The following PCDHA1 variants were observed in gnomAD, a reference collection of about 807,000 sequenced individuals.
PCDHA1 encodes the protein protocadherin alpha-1.
PCDHA1 carries 42 observed loss-of-function variants against 61.3 expected under a neutral mutation model. The ratio of observed to expected loss-of-function variants is 0.69; its 90% CI spans 0.54 to 0.89. PCDHA1 has a LOEUF of 0.89. PCDHA1 is among the 40% of genes least tolerant of loss of function. The pLI is 0.00. For missense variants in PCDHA1, 1,256 were observed against 1,235.3 expected (o/e 1.02, Z -0.25); for synonymous variants, 610 against 553.8 (o/e 1.10, Z -1.43).
intron 1 of PCDHA1, among the ~76,000 whole-genome samples, chr5:140,845,118 T>C (rs1779705774): frequency 6.7e-6 from 1 of 149,786 alleles, no homozygotes; most frequent in Non-Finnish European, 1.5e-5. Flanking sequence ...TGTCCATGTT[T>C]AGCATTTTAT....
rs148181752 is a variant in PCDHA1, at chr5:140,966,860, TTGCTGC to T, written c.2395-12081_2395-12076del. 7,760 of 1,577,476 alleles carry T rather than the reference TTGCTGC, an allele frequency of 4.9e-3. 268 individuals are homozygous for T. The African/African-American group carries it at 0.086, about 18-fold the overall frequency. ...GCTGCTACTGCCTCTCCTGCTGCTG[TTGCTGC>T]TGCTGCTACCTGGCCCTGCGGCCTC... On this transcript the variant is annotated intron_variant, in intron 1 of 3. Coordinates refer to ENST00000504120, the MANE Select transcript of PCDHA1 (RefSeq NM_018900.4).
chr5:140,828,149 C>T, intron 1 of PCDHA1: 1 of 1,614,102 alleles, frequency 6.2e-7, no homozygotes. Flanking sequence ...CCCGCTTCTG[C>T]TCCTCGCAGC....
chr5:140,823,125 C>A lies in PCDHA1; in HGVS notation c.2394+34441C>A, dbSNP rs2150122536. 13 of 1,614,046 alleles carry A rather than the reference C, an allele frequency of 8.1e-6. 1 individual carries two copies. The South Asian group carries it at 9.9e-5, about 12-fold the overall frequency. ...TGGAAGTGGCCGACGTGAACGACAA[C>A]GCTCCGGCGTTCGCGCAGCCCCAGT... is the stretch of plus-strand genomic sequence containing the variant. On this transcript the variant is annotated intron_variant, in intron 1 of 3. Transcript: ENST00000504120.
rs2150347942 is a variant in PCDHA1 at position 140,842,929 on chromosome 5, C to G, written c.2394+54245C>G. On this transcript the variant is annotated intron_variant, in intron 1 of 3. Coordinates refer to ENST00000504120, the MANE Select transcript of PCDHA1 (RefSeq NM_018900.4). ...TAGAGCTGCTGCAGTTCCAGGTGAG[C>G]GCGCGCGACGCGGGCGTGCCGCCTC... is the stretch of plus-strand genomic sequence containing the variant. The G allele has an allele frequency of 1.2e-5, 19 of 1,594,384 alleles. No individual in the cohort carries two copies. The East Asian group carries it at 3.8e-4, about 32-fold the overall frequency.
intron 1 of PCDHA1, chr5:140,847,362 C>T (rs1444226307): frequency 6.7e-6 from 1 of 149,420 alleles, no homozygotes; most frequent in Non-Finnish European, 1.5e-5. Context: ...AGTAGAAATA[C>T]GAAATAAAAG....
intron 1 of PCDHA1, among the ~76,000 whole-genome samples, chr5:140,921,749 A>G (rs1366376226): frequency 6.6e-6 from 1 of 152,196 alleles, no homozygotes; most frequent in Non-Finnish European, 1.5e-5. Context: ...GCATAACAGG[A>G]CACTTCTTGG....
intron 3 of PCDHA1, among the ~76,000 whole-genome samples, chr5:140,983,987 C>T (rs1372272659): frequency 6.6e-6 from 1 of 152,126 alleles, no homozygotes; most frequent in East Asian, 1.9e-4. Context: ...CGAGTTGAAG[C>T]AATTCATTAG....
chr5:140,985,813 CA>C lies in PCDHA1; in HGVS notation c.2542+3251del, dbSNP rs527803363. 8.2e-5 allele frequency among the ~76,000 whole-genome samples: 12 copies of C among 146,604 alleles called. No homozygotes were observed. In the East Asian group the frequency reaches 2.3e-3, roughly 28 times the overall value. ...GGAGTGCAGTGGCACGATCTCAGCT[CA>C]CAACAAGCTCTGCCTCCCGGGTTCA... On this transcript the variant is annotated intron_variant, in intron 3 of 3. Transcript: ENST00000504120.
intron 1 of PCDHA1, chr5:140,850,351 G>A (rs2150480754): frequency 6.3e-7 from 1 of 1,597,916 alleles, no homozygotes; most frequent in Non-Finnish European, 8.6e-7. Flanking sequence ...GCCAGCGCGA[G>A]CATCCCGTTC....
chr5:140,967,087 G>T (rs782556858), intron 1 of PCDHA1: 2 of 1,613,138 alleles, frequency 1.2e-6, no homozygotes, highest in East Asian at 4.5e-5. Flanking sequence ...GCATTGATCG[G>T]GAGGCGCTGT....
intron 1 of PCDHA1, chr5:140,854,175 A>AAAAG (rs386405127): frequency 4.4e-6 from 3 of 674,282 alleles, no homozygotes; most frequent in African/African-American, 2.0e-5. Flanking sequence ...AAAAAAAAAA[A>AAAAG]AGAGTAGTTT....
intron 1 of PCDHA1, among the ~76,000 whole-genome samples, chr5:140,900,094 G>A (rs546671178): frequency 3.6e-4 from 55 of 152,150 alleles, no homozygotes; most frequent in East Asian, 2.3e-3. Context: ...ACAAGCATGC[G>A]CCACCATACC....
intron 1 of PCDHA1, chr5:140,928,814 A>T (rs782622875): frequency 5.6e-6 from 9 of 1,614,150 alleles, no homozygotes; most frequent in Non-Finnish European, 7.6e-6. Context: ...GTTCGGGACC[A>T]TGGAGACCCA....
rs115173372 is a variant in PCDHA1, at chr5:140,808,625, T to G, written c.2394+19941T>G. On this transcript the variant is annotated intron_variant, in intron 1 of 3. Coordinates refer to ENST00000504120, the MANE Select transcript of PCDHA1 (RefSeq NM_018900.4). ...CTGCCACATCTTCACTGTGTCTGCG[T>G]GGGACGCGGACGCGCAGGAGAACGC... 8.5e-4 allele frequency: 1,376 copies of G among 1,613,658 alleles called. 16 individuals are homozygous for G. In the African/African-American group the frequency reaches 0.017, roughly 19 times the overall value.
At chr5:140,848,920 T>A (rs1554142573) in intron 1 of PCDHA1, 1 of 1,607,752 alleles carries the variant, frequency 6.2e-7, no homozygotes, top group East Asian at 2.2e-5. Flanking sequence ...AATCTGTTCA[T>A]CGCGGAATCC....
chr5:140,977,899 C>A (rs1193855952), intron 1 of PCDHA1, among the ~76,000 whole-genome samples: 1 of 152,124 alleles, frequency 6.6e-6, no homozygotes, highest in East Asian at 1.9e-4. Context: ...CAAAATACAA[C>A]TTTTATCCCC....
rs781859537 is a variant in PCDHA1, at chr5:140,858,340, G to A, written c.2394+69656G>A. Reference sequence around the variant, plus strand: ...TGTGTTCTGGGGAGGGCCTGCCCAAGGCGGACCTCATGGCCTTCAGCCCCA... The same window carrying A: ...TGTGTTCTGGGGAGGGCCTGCCCAAAGCGGACCTCATGGCCTTCAGCCCCA... On this transcript the variant is annotated intron_variant, in intron 1 of 3. Coordinates refer to ENST00000504120, the MANE Select transcript of PCDHA1 (RefSeq NM_018900.4). The A allele has an allele frequency of 1.2e-5, 19 of 1,595,540 alleles. No individual in the cohort carries two copies. In the South Asian group the frequency reaches 1.3e-4, roughly 11 times the overall value.
chr5:140,882,331 C>T, intron 1 of PCDHA1: 3 of 1,614,214 alleles, frequency 1.9e-6, no homozygotes, highest in South Asian at 2.2e-5. Flanking sequence ...TTCTGATCCT[C>T]GCAGCCTGGG....
rs371069140 is a variant in PCDHA1, at chr5:141,011,291, A to G, written c.*1354A>G. ...CTCTTTGGTTTAGTTTTCCTTTTCT[A>G]TAACACTCTGAATTGCTAATCTTAC... is the stretch of plus-strand genomic sequence containing the variant. On this transcript the variant is annotated 3_prime_UTR_variant, in exon 4 of 4. Coordinates refer to ENST00000504120, the MANE Select transcript of PCDHA1 (RefSeq NM_018900.4). 6 of 153,852 alleles carry G rather than the reference A, an allele frequency of 3.9e-5. No homozygotes were observed. The highest frequency in any genetic ancestry group is 8.8e-5 in the Non-Finnish European group (6 of 68,024). 9.5% of individuals were successfully genotyped at this position (153,852 alleles called of 1,614,324 possible).
Sources: allele counts gnomAD v4.1 joint callset (sites outside exome capture counted in the v4.1 genomes callset), GRCh38; gene constraint gnomAD v4.1.1; transcripts MANE v1.5; gene names NCBI Gene and HGNC (gene_info 2026-07-23, HGNC 2026-07-21).